Variants in SPOCK1 observed in about 807,000 individuals in gnomAD.
SPOCK1 encodes SPARC (osteonectin), cwcv and kazal like domains proteoglycan 1.
SPOCK1 carries 23 observed loss-of-function variants against 55.3 expected under a neutral mutation model. That is an observed-to-expected ratio of 0.42 (90% CI 0.30 to 0.59). SPOCK1 has a LOEUF of 0.59. Among genes scored for constraint, SPOCK1 ranks in the 20% least tolerant of loss-of-function variants. The probability of loss-of-function intolerance (pLI) is 0.22; values close to 1 mark genes in which losing one functional copy is unlikely to be tolerated. For synonymous variants in SPOCK1, 226 were observed against 221.0 expected, an observed-to-expected ratio of 1.02 and a Z score of -0.20; for missense variants, 499 against 552.5, an observed-to-expected ratio of 0.90 and a Z score of 0.97.
intron 3 of SPOCK1, among the ~76,000 whole-genome samples, chr5:137,143,907 T>C (rs1289791937): frequency 6.6e-6 from 1 of 152,144 alleles, no homozygotes; most frequent in Non-Finnish European, 1.5e-5. Context: ...TCTTCACCAG[T>C]GTATGCTTGA....
At chr5:137,303,237 T>C (rs2916646) in intron 2 of SPOCK1, among the ~76,000 whole-genome samples, 105,441 of 151,936 alleles carry the variant, frequency 0.69, 37,462 homozygotes, top group African/African-American at 0.84. Context: ...TAAGTAACAA[T>C]GATTTACAGA....
intron 2 of SPOCK1, among the ~76,000 whole-genome samples, chr5:137,324,937 C>G (rs76300657): frequency 0.021 from 3,155 of 149,514 alleles, 116 homozygotes; most frequent in African/African-American, 0.074. Flanking sequence ...CTAAGCTGTG[C>G]AGACAAGCTT....
intron 4 of SPOCK1, among the ~76,000 whole-genome samples, chr5:137,115,516 C>T (rs968077021): frequency 3.9e-5 from 6 of 152,180 alleles, no homozygotes; most frequent in African/African-American, 1.4e-4. Context: ...TTGTTCCTGG[C>T]TCTATACCTG....
intron 2 of SPOCK1, among the ~76,000 whole-genome samples, chr5:137,285,679 G>A (rs892614): frequency 1.8e-3 from 278 of 152,290 alleles, no homozygotes; most frequent in African/African-American, 6.5e-3. Flanking sequence ...AGCTGCCATG[G>A]CATTCCATTT....
chr5:137,342,127 T>C (rs1026053640), intron 2 of SPOCK1, among the ~76,000 whole-genome samples: 5 of 152,174 alleles, frequency 3.3e-5, no homozygotes, highest in African/African-American at 1.2e-4. Flanking sequence ...TGGACGGTGT[T>C]CCACAGAAAG....
chr5:137,078,118 A>C (rs1007761177), intron 5 of SPOCK1, among the ~76,000 whole-genome samples: 3 of 152,190 alleles, frequency 2.0e-5, no homozygotes, highest in African/African-American at 7.2e-5. Context: ...TATAGAAAAA[A>C]GCACAAAACA....
intron 2 of SPOCK1, among the ~76,000 whole-genome samples, chr5:137,421,889 G>C (rs889617559): frequency 2.0e-5 from 3 of 152,186 alleles, no homozygotes; most frequent in Non-Finnish European, 4.4e-5. Flanking sequence ...TTTCTTCCCA[G>C]CCTCAATGGT....
intron 2 of SPOCK1, among the ~76,000 whole-genome samples, chr5:137,272,349 T>TATG (rs1756980468): frequency 6.6e-6 from 1 of 152,200 alleles, no homozygotes; most frequent in Non-Finnish European, 1.5e-5. Context: ...AAAGTGAGAT[T>TATG]TCCAGACCAT....
chr5:137,044,911 G>A (rs1187337382), intron 6 of SPOCK1, among the ~76,000 whole-genome samples: 2 of 144,780 alleles, frequency 1.4e-5, no homozygotes, highest in Admixed American at 1.4e-4. Context: ...TTTTGTTCTT[G>A]CGATAGTTTA....
intron 3 of SPOCK1, among the ~76,000 whole-genome samples, chr5:137,161,998 G>A (rs1353438651): frequency 6.6e-6 from 1 of 151,994 alleles, no homozygotes; most frequent in Admixed American, 6.6e-5. Context: ...CAAAATATTT[G>A]GGCTAGCTTT....
intron 3 of SPOCK1, among the ~76,000 whole-genome samples, chr5:137,218,432 T>C (rs189646838): frequency 7.5e-4 from 115 of 152,352 alleles, no homozygotes; most frequent in African/African-American, 2.7e-3. Context: ...ATCCAATTAA[T>C]GACAACTGTA....
At chr5:137,356,168 A>G (rs186525453) in intron 2 of SPOCK1, among the ~76,000 whole-genome samples, 1 of 152,272 alleles carries the variant, frequency 6.6e-6, no homozygotes, top group East Asian at 1.9e-4. Flanking sequence ...TGCAGGTTGG[A>G]TTAGGCTGAC....
chr5:137,109,359 C>T lies in SPOCK1; in HGVS notation c.474+3076G>A, dbSNP rs148009878. On this transcript the variant is annotated intron_variant, in intron 5 of 10. Coordinates refer to ENST00000394945, the MANE Select transcript of SPOCK1 (RefSeq NM_004598.4). ...TGGCTTGTTTTTTTCTATTGCAAAG[C>T]TCTCTGCACCCCATTGACTCAAATC... Among the ~76,000 whole-genome samples the T allele has an allele frequency of 6.6e-5, 10 of 152,292 alleles. No individual in the cohort carries two copies. The East Asian group carries it at 1.4e-3, about 21-fold the overall frequency.
intron 3 of SPOCK1, among the ~76,000 whole-genome samples, chr5:137,253,739 A>G (rs1242536278): frequency 6.6e-6 from 1 of 152,198 alleles, no homozygotes. Context: ...GCCAAAAGCC[A>G]TCCCTTTGCA....
At chr5:137,271,459 C>T (rs1183767003) in intron 2 of SPOCK1, among the ~76,000 whole-genome samples, 3 of 151,248 alleles carry the variant, frequency 2.0e-5, no homozygotes, top group African/African-American at 7.3e-5. Flanking sequence ...ATGCCAAGAC[C>T]ACTCCACTCT....
At chr5:137,173,724 C>A (rs1339448637) in intron 3 of SPOCK1, among the ~76,000 whole-genome samples, 1 of 152,162 alleles carries the variant, frequency 6.6e-6, no homozygotes, top group Non-Finnish European at 1.5e-5. Context: ...AAATTTCAGC[C>A]TATCTCTGCT....
chr5:137,309,419 G>T (rs1252325817), intron 2 of SPOCK1, among the ~76,000 whole-genome samples: 1 of 152,138 alleles, frequency 6.6e-6, no homozygotes, highest in Non-Finnish European at 1.5e-5. Context: ...CTCACCACCT[G>T]TTTCAGGAGC....
intron 6 of SPOCK1, among the ~76,000 whole-genome samples, chr5:137,028,627 T>A (rs901211524): frequency 6.6e-6 from 1 of 151,686 alleles, no homozygotes; most frequent in Non-Finnish European, 1.5e-5. Context: ...ATCAGTGAGG[T>A]CCAAACCTCC....
At chr5:137,485,235 T>A (rs1754031152) in intron 2 of SPOCK1, among the ~76,000 whole-genome samples, 1 of 152,214 alleles carries the variant, frequency 6.6e-6, no homozygotes. Context: ...CCCTCTATAC[T>A]AGGGTATCTT....
Sources: allele counts gnomAD v4.1 joint callset (sites outside exome capture counted in the v4.1 genomes callset), GRCh38; gene constraint gnomAD v4.1.1; transcripts MANE v1.5; gene names NCBI Gene and HGNC (gene_info 2026-07-23, HGNC 2026-07-21).